Variants in FGF11 observed in about 807,000 individuals in gnomAD.
The protein encoded by FGF11 is fibroblast growth factor homologous factor 3.
A neutral mutation model predicts 25.1 loss-of-function variants in FGF11; 25 were observed. That is an observed-to-expected ratio of 1.00 (90% CI 0.73 to 1.39). The LOEUF is 1.39. FGF11 is among the 40% of genes most tolerant of loss of function. The pLI is 0.00. For synonymous variants in FGF11, 130 were observed against 128.9 expected, an observed-to-expected ratio of 1.01 and a Z score of -0.06; for missense variants, 320 against 311.0, an observed-to-expected ratio of 1.03 and a Z score of -0.22.
At chr17:7,441,989 C>T (rs957317371) in intron 3 of FGF11, 110 bp downstream of exon 3, 8 of 802,776 alleles carry the variant, frequency 1.0e-5, no homozygotes, top group Non-Finnish European at 1.5e-5. Flanking sequence ...GCCCGGGACT[C>T]CTCCCTCCAG....
In FGF11 at chr17:7,444,826, C is replaced by G. The variant is rs1908513912; in HGVS notation, c.*1680C>G. ...TGGCTTGTTGCAAGAGGAGTAGATG[C>G]CCCCTCACCCACACAAACCCCACTC... On this transcript the variant is annotated 3_prime_UTR_variant, in exon 5 of 5. Coordinates refer to ENST00000293829, the MANE Select transcript of FGF11 (RefSeq NM_004112.4). 1 of 533,482 alleles carries G rather than the reference C, an allele frequency of 1.9e-6. No individual in the cohort carries two copies. The highest frequency in any genetic ancestry group is 3.4e-6 in the Non-Finnish European group (1 of 295,626). 33.0% of individuals were successfully genotyped at this position (533,482 alleles called of 1,614,324 possible). A position where few individuals can be genotyped will look rare whatever the true frequency, so the allele number is the denominator to read the frequency against.
chr17:7,442,815 G>A (rs1908396912), intron 4 of FGF11, 23 bp downstream of exon 4: 1 of 1,611,222 alleles, frequency 6.2e-7, no homozygotes, highest in Non-Finnish European at 8.5e-7. Flanking sequence ...TCAAGAAAAT[G>A]TGGGCCACAG....
chr17:7,440,806 C>G lies in FGF11; in HGVS notation c.194-665C>G, dbSNP rs984362635. On this transcript the variant is annotated intron_variant, in intron 1 of 4. Transcript: ENST00000293829. This position sits in a 1 kb window ranked among gnomAD's most constrained non-coding sequence, Gnocchi z 5.4. ...TCTCCATCTCCTCAGCTCCCACCCC[C>G]CATATCCTTGGTAAGGTCCCCCTTA... 5.1e-6 allele frequency: 5 copies of G among 987,950 alleles called. No individual in the cohort carries two copies. The highest frequency in any genetic ancestry group is 1.1e-4 in the East Asian group (1 of 8,872). 61.2% of individuals were successfully genotyped at this position (987,950 alleles called of 1,614,324 possible).
upstream of FGF11, chr17:7,439,481 G>A: frequency 1.6e-6 from 1 of 622,824 alleles, no homozygotes; most frequent in Non-Finnish European, 2.5e-6. Context: ...GGGGTCTGGG[G>A]CTTATCCTCA....
rs1302475624 is a variant in FGF11, at chr17:7,439,549, G to A, written c.-72G>A. ...GAGCGTCAAGAGCATGCCCTAGTGA[G>A]CGGGCTCCTCTGGGGGAGCCCAGCG... is the stretch of plus-strand genomic sequence containing the variant. On this transcript the variant is annotated 5_prime_UTR_variant, in exon 1 of 5. Coordinates refer to ENST00000293829, the MANE Select transcript of FGF11 (RefSeq NM_004112.4). 1.4e-5 allele frequency: 17 copies of A among 1,245,528 alleles called. No individual in the cohort carries two copies. Among genetic ancestry groups the A allele is most frequent in the Middle Eastern group, 2.8e-4 (1 of 3,510 alleles). The allele number at this position is 1,245,528 out of a possible 1,614,324, so 77.2% of individuals were successfully genotyped here.
chr17:7,440,704 C>T lies in FGF11; in HGVS notation c.194-767C>T. 1.0e-6 allele frequency: 1 copy of T among 985,974 alleles called. No homozygotes were observed. Among genetic ancestry groups the T allele is most frequent in the South Asian group, 4.7e-5 (1 of 21,330 alleles). The allele number at this position is 985,974 out of a possible 1,614,324, so 61.1% of individuals were successfully genotyped here. On this transcript the variant is annotated intron_variant, in intron 1 of 4. Transcript: ENST00000293829. This position sits in a 1 kb window ranked among gnomAD's most constrained non-coding sequence, Gnocchi z 5.4. The stretch of plus-strand genomic sequence containing the variant: ...GCCACCTCGCGCCCTCCTCCCCGCG[C>T]CACCGGCTGCCCATAGTGGTACAAT...
Position 7,440,709 on chromosome 17 carries a change from G to A in FGF11, c.194-762G>A. The A allele has an allele frequency of 6.1e-6, 6 of 985,768 alleles. No individual in the cohort carries two copies. Among genetic ancestry groups the A allele is most frequent in the Non-Finnish European group, 7.2e-6 (6 of 830,386 alleles). 61.1% of individuals were successfully genotyped at this position (985,768 alleles called of 1,614,324 possible). ...CTCGCGCCCTCCTCCCCGCGCCACC[G>A]GCTGCCCATAGTGGTACAATCCGCA... is the stretch of plus-strand genomic sequence containing the variant. On this transcript the variant is annotated intron_variant, in intron 1 of 4. Transcript: ENST00000293829. The surrounding 1 kb of genome is among the most constrained non-coding windows in gnomAD (Gnocchi z 5.4).
upstream of FGF11, chr17:7,439,395 G>C (rs1908198138): frequency 2.2e-5 from 10 of 447,242 alleles, no homozygotes; most frequent in East Asian, 3.6e-4. Context: ...GAGTACATAG[G>C]CTGCTGGATC....
Position 7,440,827 on chromosome 17 carries a change from C to T in FGF11, c.194-644C>T. ...CCCCCCATATCCTTGGTAAGGTCCC[C>T]CTTACCCCAGGCGAGTTACCTGGCC... On this transcript the variant is annotated intron_variant, in intron 1 of 4. Coordinates refer to ENST00000293829, the MANE Select transcript of FGF11 (RefSeq NM_004112.4). The surrounding 1 kb of genome is among the most constrained non-coding windows in gnomAD (Gnocchi z 5.4). 1.0e-6 allele frequency: 1 copy of T among 988,714 alleles called. No homozygotes were observed. Among genetic ancestry groups the T allele is most frequent in the Non-Finnish European group, 1.2e-6 (1 of 831,988 alleles). The allele number at this position is 988,714 out of a possible 1,614,324, so 61.2% of individuals were successfully genotyped here.
In FGF11 at chr17:7,441,853, A is replaced by C; in HGVS notation, c.382A>C (p.Asn128His). The C allele has an allele frequency of 6.2e-7, 1 of 1,611,606 alleles. No individual in the cohort carries two copies. ...CAAGCTGGGTCACTACATGGCCATG[A>C]ATGCTGAGGGACTGCTCTACAGTTC... The part of the protein sequence containing the change: ...SAKLGHYMAM[N>H]AEGLLYSSPH... The change falls in exon 3 of 5, where the codon AAT becomes CAT. Residue 128 changes from asparagine (N) to histidine (H), a missense_variant. Asn to His is a moderately conservative substitution (Grantham distance 68, BLOSUM62 1). Transcript: ENST00000293829.
chr17:7,441,222 A>G, intron 1 of FGF11: 1 of 463,126 alleles, frequency 2.2e-6, no homozygotes, highest in Admixed American at 3.4e-5. Flanking sequence ...GTAGGAATTA[A>G]GCCATTTAAA....
In FGF11 at chr17:7,441,807, T is replaced by G. The variant is rs1490146246; in HGVS notation, c.336T>G (p.Arg112=). Residue 112 remains arginine (R), a synonymous_variant, in exon 3 of 5, where the codon CGT becomes CGG. Coordinates refer to ENST00000293829, the MANE Select transcript of FGF11 (RefSeq NM_004112.4). ...THFNLIPVGL[R]VVTIQSAKLG... ...TCAACCTGATCCCTGTGGGCCTCCG[T>G]GTGGTCACCATCCAGAGCGCCAAGC... The G allele has an allele frequency of 6.2e-7, 1 of 1,612,348 alleles. No homozygotes were observed.
In FGF11 at chr17:7,444,102, C is replaced by T. The variant is rs949579283; in HGVS notation, c.*956C>T. On this transcript the variant is annotated 3_prime_UTR_variant, in exon 5 of 5. Coordinates refer to ENST00000293829, the MANE Select transcript of FGF11 (RefSeq NM_004112.4). ...GAATCAAGAACCATTTCTTGTTTTT[C>T]CTAGATAATTCTCTAAAAATATGAT... 2.6e-5 allele frequency: 4 copies of T among 152,170 alleles called. No individual in the cohort carries two copies. Among genetic ancestry groups the T allele is most frequent in the Admixed American group, 6.5e-5 (1 of 15,278 alleles). 9.4% of individuals were successfully genotyped at this position (152,170 alleles called of 1,614,324 possible). A position where few individuals can be genotyped will look rare whatever the true frequency, so the allele number is the denominator to read the frequency against.
At position 7,440,178 on chromosome 17, in the gene FGF11, A is replaced by C; in HGVS notation, c.193+365A>C. The stretch of plus-strand genomic sequence containing the variant: ...AGCGGAGGGGCCCGGGGGTTTCCAG[A>C]TGCCTGGGTCACCCCAAGGATTTCT... On this transcript the variant is annotated intron_variant, in intron 1 of 4. Transcript: ENST00000293829. The surrounding 1 kb of genome is among the most constrained non-coding windows in gnomAD (Gnocchi z 5.4). 6 of 193,770 alleles carry C rather than the reference A, an allele frequency of 3.1e-5. No individual in the cohort carries two copies. In the East Asian group the frequency reaches 3.5e-4, roughly 11 times the overall value. 12.0% of individuals were successfully genotyped at this position (193,770 alleles called of 1,614,324 possible).
Position 7,441,490 on chromosome 17 carries a change from C to T in FGF11, c.213C>T (p.Ile71=), listed in dbSNP as rs969208480. Residue 71 remains isoleucine (I), a synonymous_variant, in exon 2 of 5, where the codon ATC becomes ATT. Coordinates refer to ENST00000293829, the MANE Select transcript of FGF11 (RefSeq NM_004112.4). ...CTCCAGAGCCTCAGCTCAAAGGCAT[C>T]GTCACCAAACTGTTCTGCCGCCAGG... ...DRGPEPQLKG[I]VTKLFCRQGF... is the part of the protein sequence containing the mutation. The T allele has an allele frequency of 5.0e-6, 8 of 1,614,020 alleles. No homozygotes were observed. Among genetic ancestry groups the T allele is most frequent in the African/African-American group, 2.7e-5 (2 of 74,900 alleles).
chr17:7,439,588 T>C lies in FGF11; in HGVS notation c.-33T>C. 7.2e-7 allele frequency: 1 copy of C among 1,381,244 alleles called. No individual in the cohort carries two copies. 85.6% of individuals were successfully genotyped at this position (1,381,244 alleles called of 1,614,324 possible). On this transcript the variant is annotated 5_prime_UTR_variant, in exon 1 of 5. Coordinates refer to ENST00000293829, the MANE Select transcript of FGF11 (RefSeq NM_004112.4). ...GGGAGCCCAGCGCGCTCCGGGCGCC[T>C]GCCGGTTTGGGGGTGTCTCCTCCCG...
rs1035824442 is a variant in FGF11 at position 7,440,584 on chromosome 17, G to A, written c.193+771G>A. On this transcript the variant is annotated intron_variant, in intron 1 of 4. Coordinates refer to ENST00000293829, the MANE Select transcript of FGF11 (RefSeq NM_004112.4). The surrounding 1 kb of genome is among the most constrained non-coding windows in gnomAD (Gnocchi z 5.4). ...GCAGAGAGCAAGCGATGGGGGAGGAGAGTTGTGAGAGTTAGAATTGGTCCC... is the reference window on the plus strand; with the variant it reads ...GCAGAGAGCAAGCGATGGGGGAGGAAAGTTGTGAGAGTTAGAATTGGTCCC... 1 of 842,206 alleles carries A rather than the reference G, an allele frequency of 1.2e-6. No individual in the cohort carries two copies. Among genetic ancestry groups the A allele is most frequent in the African/African-American group, 1.8e-5 (1 of 54,422 alleles). The allele number at this position is 842,206 out of a possible 1,614,324, so 52.2% of individuals were successfully genotyped here. A position where few individuals can be genotyped will look rare whatever the true frequency, so the allele number is the denominator to read the frequency against.
rs1038845797 is a variant in FGF11 at position 7,443,421 on chromosome 17, C to T, written c.*275C>T. On this transcript the variant is annotated 3_prime_UTR_variant, in exon 5 of 5. Coordinates refer to ENST00000293829, the MANE Select transcript of FGF11 (RefSeq NM_004112.4). ...TCTTTCTTTCCACACTCACACAACG[C>T]CATGCCTTTTCCTGAGATGGCGCTG... 3 of 376,494 alleles carry T rather than the reference C, an allele frequency of 8.0e-6. No individual in the cohort carries two copies. Among genetic ancestry groups the T allele is most frequent in the Non-Finnish European group, 1.4e-5 (3 of 209,032 alleles). 23.3% of individuals were successfully genotyped at this position (376,494 alleles called of 1,614,324 possible). A position where few individuals can be genotyped will look rare whatever the true frequency, so the allele number is the denominator to read the frequency against.
chr17:7,442,227 G>C (rs1350579390), intron 3 of FGF11: 9 of 348,722 alleles, frequency 2.6e-5, no homozygotes, highest in Non-Finnish European at 4.7e-5. Context: ...GAGTACAGTG[G>C]AGAGAAGGAA....
Sources: gnomAD v4.1 joint callset for allele counts on GRCh38, gnomAD v4.1.1 for gene constraint, Gnocchi (gnomAD v3.1) non-coding constraint, MANE v1.5 for transcripts, NCBI Gene and HGNC (gene_info 2026-07-23, HGNC 2026-07-21) for gene names.